The following NT5DC3 variants were observed in gnomAD, a reference collection of about 807,000 sequenced individuals.
NT5DC3 encodes the protein 5'-nucleotidase domain-containing protein 3.
In NT5DC3, 42 loss-of-function variants were observed where a neutral mutation model predicts 67.8. The observed-to-expected ratio is 0.62, with a 90% CI of 0.48 to 0.80. NT5DC3 has a LOEUF of 0.80. NT5DC3 is among the 30% of genes least tolerant of loss of function. The probability of loss-of-function intolerance (pLI) is 0.00; values close to 1 mark genes in which losing one functional copy is unlikely to be tolerated. For missense variants in NT5DC3, 570 were observed against 696.4 expected, an observed-to-expected ratio of 0.82 and a Z score of 2.04; for synonymous variants, 237 against 255.6, an observed-to-expected ratio of 0.93 and a Z score of 0.69.
chr12:103,805,226 T>C (rs1015144846), intron 4 of NT5DC3, among the ~76,000 whole-genome samples: 1 of 151,974 alleles, frequency 6.6e-6, no homozygotes, highest in Non-Finnish European at 1.5e-5. Context: ...GCAGGGACAA[T>C]ATCCAGAATT....
At chr12:103,758,226 G>A in the NT5DC3 span, 2 of 1,614,146 alleles carry the variant, frequency 1.2e-6, no homozygotes, top group African/African-American at 1.3e-5. Context: ...TAGAACACCT[G>A]ACTGACCTGT....
intron 4 of NT5DC3, among the ~76,000 whole-genome samples, chr12:103,800,135 G>T (rs924526569): frequency 6.6e-6 from 1 of 152,160 alleles, no homozygotes; most frequent in Non-Finnish European, 1.5e-5. Flanking sequence ...ACCTATGTAC[G>T]ATATCATTTA....
In NT5DC3 at chr12:103,785,335, C is replaced by G; in HGVS notation, c.1329G>C (p.Gln443His). The G allele has an allele frequency of 6.2e-7, 1 of 1,613,976 alleles. No individual in the cohort carries two copies. Among genetic ancestry groups the G allele is most frequent in the Non-Finnish European group, 8.5e-7 (1 of 1,179,900 alleles). The change falls in exon 12 of 14, where the codon CAG becomes CAC. Residue 443 changes from glutamine to histidine, a missense_variant and splice_region_variant. By Grantham distance (24) the Gln-to-His change is conservative (BLOSUM62 0). This residue lies in a region of NT5DC3 where 466 missense variants were observed against 608.0 expected (regional missense o/e 0.77). Coordinates refer to ENST00000392876, the MANE Select transcript of NT5DC3 (RefSeq NM_001031701.3). Reference sequence around the variant, plus strand: ...AGAGAGAAAAATAATATATCCAAACCTGCATCTGTTCCAATAAGCCAGTCA... The same window carrying G: ...AGAGAGAAAAATAATATATCCAAACGTGCATCTGTTCCAATAAGCCAGTCA... ...QTLTGLLEQM[Q>H]VHRDAESQLV...
intron 11 of NT5DC3, among the ~76,000 whole-genome samples, chr12:103,786,955 C>A (rs1433350896): frequency 6.6e-6 from 1 of 152,112 alleles, no homozygotes. Flanking sequence ...AGTGCTAGGA[C>A]TACAGGTGTG....
In NT5DC3 at chr12:103,806,896, G is replaced by A; in HGVS notation, c.427C>T (p.Pro143Ser). The change falls in exon 3 of 14, where the codon CCA becomes TCA. Residue 143 changes from proline to serine, a missense_variant. Pro to Ser is a moderately conservative substitution (Grantham distance 74). Around this residue, in one of 2 missense-constraint regions of NT5DC3, gnomAD observed 466 missense variants for 608.0 expected, o/e 0.77. Coordinates refer to ENST00000392876, the MANE Select transcript of NT5DC3 (RefSeq NM_001031701.3). ...TGAAGTCCACGAATTGCAAAATTTG[G>A]GTCATACTCATACTTCCTGATTTCT... ...PAEIRKYEYD[P>S]NFAIRGLHYD... 6.2e-7 allele frequency: 1 copy of A among 1,609,872 alleles called. No individual in the cohort carries two copies. Among genetic ancestry groups the A allele is most frequent in the Non-Finnish European group, 8.5e-7 (1 of 1,176,266 alleles).
chr12:103,761,530 TC>T, the NT5DC3 span: 1 of 852,312 alleles, frequency 1.2e-6, no homozygotes, highest in Non-Finnish European at 1.8e-6. Context: ...TGGAGGAGCC[TC>T]CAGCCTCCAA....
the NT5DC3 span, among the ~76,000 whole-genome samples, chr12:103,761,750 C>A: frequency 4.8e-4 from 73 of 152,318 alleles, no homozygotes; most frequent in Middle Eastern, 0.017. Context: ...CCAATTTTCT[C>A]ATCTGCAAAA....
At chr12:103,807,110 T>C (rs897938083) in intron 2 of NT5DC3, among the ~76,000 whole-genome samples, 181 bp from the exon 3 acceptor site, 3 of 152,202 alleles carry the variant, frequency 2.0e-5, no homozygotes, top group Non-Finnish European at 2.9e-5. Flanking sequence ...GCAAGCACGC[T>C]GGCCAGAGCC....
the NT5DC3 span, among the ~76,000 whole-genome samples, chr12:103,763,018 G>A: frequency 1.3e-5 from 2 of 152,244 alleles, no homozygotes; most frequent in Non-Finnish European, 2.9e-5. Flanking sequence ...AGGCTGTGGT[G>A]CAGAGCCCCC....
intron 5 of NT5DC3, among the ~76,000 whole-genome samples, chr12:103,797,368 G>A (rs1593401740): frequency 6.6e-6 from 1 of 151,942 alleles, no homozygotes; most frequent in East Asian, 1.9e-4. Flanking sequence ...TACTCAGGAG[G>A]CTGAGGCAGG....
rs1885296184 is a variant in NT5DC3, at chr12:103,775,011, A to C, written c.*2818T>G. ...GGGCAACAGAGCGAGACCTTGCCTC[A>C]AAAAAAAAAAAAAAAAGTCATGACA... On this transcript the variant is annotated 3_prime_UTR_variant, in exon 14 of 14. Coordinates refer to ENST00000392876, the MANE Select transcript of NT5DC3 (RefSeq NM_001031701.3). 1 of 53,082 alleles carries C rather than the reference A, an allele frequency of 1.9e-5. No homozygotes were observed. The highest frequency in any genetic ancestry group is 2.2e-4 in the Admixed American group (1 of 4,450). 3.3% of individuals were successfully genotyped at this position (53,082 alleles called of 1,614,324 possible).
At chr12:103,795,868 A>G (rs186781172) in intron 6 of NT5DC3, among the ~76,000 whole-genome samples, 1 of 152,338 alleles carries the variant, frequency 6.6e-6, no homozygotes, top group Admixed American at 6.5e-5. Flanking sequence ...GTAGGTTCTT[A>G]GAAACTGCAA....
chr12:103,822,685 G>A (rs943988398), intron 1 of NT5DC3, among the ~76,000 whole-genome samples: 2 of 152,134 alleles, frequency 1.3e-5, no homozygotes, highest in Admixed American at 6.5e-5. Context: ...ACGGAATCTG[G>A]TGCCAGGACC....
chr12:103,819,771 G>A (rs550462753), intron 1 of NT5DC3: 1 of 152,288 alleles, frequency 6.6e-6, no homozygotes, highest in South Asian at 2.1e-4. Context: ...GTTTTTTATT[G>A]TGGCAAAATA....
At chr12:103,796,821 T>C in intron 6 of NT5DC3, 73 bp downstream of exon 6, 1 of 1,537,648 alleles carries the variant, frequency 6.5e-7, no homozygotes, top group East Asian at 2.3e-5. Flanking sequence ...AGAAAGGAGG[T>C]TCAAGACTCT....
At chr12:103,766,146 A>G, downstream of NT5DC3, 1 of 1,152,218 alleles carries the variant, frequency 8.7e-7, no homozygotes, top group Non-Finnish European at 1.3e-6. Flanking sequence ...ACAAGGCAGC[A>G]GCACAAACAA....
At chr12:103,822,624 T>A (rs979336207) in intron 1 of NT5DC3, among the ~76,000 whole-genome samples, 1 of 152,222 alleles carries the variant, frequency 6.6e-6, no homozygotes, top group Non-Finnish European at 1.5e-5. Context: ...GTGGTAGTGC[T>A]ATCCGTGTGT....
In NT5DC3 at chr12:103,798,653, T is replaced by A; in HGVS notation, c.549A>T (p.Glu183Asp). ...VYRGLSVVPD[E>D]EVIEMYEGSH... is the part of the protein sequence containing the mutation. ...ACCCCTCGTACATTTCAATGACTTC[T>A]TCATCAGGGACAACACTGAGGCCTC... Residue 183 changes from glutamate (E) to aspartate (D), a missense_variant, in exon 5 of 14, where the codon GAA becomes GAT. By Grantham distance (45) the Glu-to-Asp change is conservative (BLOSUM62 2). Around this residue, in one of 2 missense-constraint regions of NT5DC3, gnomAD observed 466 missense variants for 608.0 expected, o/e 0.77. Transcript: ENST00000392876. 6.2e-7 allele frequency: 1 copy of A among 1,613,912 alleles called. No homozygotes were observed. The highest frequency in any genetic ancestry group is 8.5e-7 in the Non-Finnish European group (1 of 1,179,740).
rs1213165475 is a variant in NT5DC3 at position 103,776,826 on chromosome 12, T to G, written c.*1003A>C. On this transcript the variant is annotated 3_prime_UTR_variant, in exon 14 of 14. Coordinates refer to ENST00000392876, the MANE Select transcript of NT5DC3 (RefSeq NM_001031701.3). The stretch of plus-strand genomic sequence containing the variant: ...AAGCACCTCTCAGTTGGTAACTCAT[T>G]AGAGAGAAGCCAGGATCTTGTTTGT... 1 of 152,168 alleles carries G rather than the reference T, an allele frequency of 6.6e-6. No individual in the cohort carries two copies. The highest frequency in any genetic ancestry group is 2.4e-5 in the African/African-American group (1 of 41,440). 9.4% of individuals were successfully genotyped at this position (152,168 alleles called of 1,614,324 possible).
Sources: allele counts gnomAD v4.1 joint callset (sites outside exome capture counted in the v4.1 genomes callset), GRCh38; gene constraint gnomAD v4.1.1; regional missense constraint gnomAD v4.1.1; transcripts MANE v1.5; gene names NCBI Gene and HGNC (gene_info 2026-07-23, HGNC 2026-07-21).